KCND3: variants seen among roughly 807,000 people sequenced by gnomAD.
KCND3 encodes potassium voltage-gated channel subfamily D member 3, also known as A-type voltage-gated potassium channel KCND3.
KCND3 carries 9 observed loss-of-function variants against 51.1 expected under a neutral mutation model. The ratio of observed to expected loss-of-function variants is 0.18; its 90% CI spans 0.11 to 0.31. The LOEUF is 0.31. Ranked by LOEUF, KCND3 falls within the 10% of genes least tolerant of loss-of-function variation. The pLI is 1.00. For missense variants in KCND3, 526 were observed against 903.8 expected (o/e 0.58, Z 5.36); for synonymous variants, 349 against 368.0 (o/e 0.95, Z 0.59).
At chr1:111,823,184 G>A (rs148913815) in intron 2 of KCND3, among the ~76,000 whole-genome samples, 338 of 152,344 alleles carry the variant, frequency 2.2e-3, no homozygotes, top group African/African-American at 7.8e-3. Context: ...GGCAGGGCAG[G>A]GTGTGGGGTG....
intron 1 of KCND3, among the ~76,000 whole-genome samples, chr1:111,984,102 T>C (rs1358372767): frequency 6.6e-6 from 1 of 152,226 alleles, no homozygotes; most frequent in African/African-American, 2.4e-5. Flanking sequence ...ATTTGGGCCC[T>C]CTGGAATTCA....
chr1:111,984,530 C>T (rs954817788), intron 1 of KCND3, among the ~76,000 whole-genome samples: 6 of 152,232 alleles, frequency 3.9e-5, no homozygotes, highest in Non-Finnish European at 7.3e-5. Context: ...CTCTCACTCT[C>T]ACACCCCACC....
intron 2 of KCND3, among the ~76,000 whole-genome samples, chr1:111,904,083 G>A (rs1203682718): frequency 8.3e-6 from 1 of 119,776 alleles, no homozygotes; most frequent in Admixed American, 1.0e-4. Flanking sequence ...TCTTTTTGGA[G>A]GTTGGTTTTT....
At chr1:111,978,622 T>C (rs1426710281) in intron 2 of KCND3, among the ~76,000 whole-genome samples, 2 of 152,176 alleles carry the variant, frequency 1.3e-5, no homozygotes, top group African/African-American at 4.8e-5. Context: ...TCCACAGTAC[T>C]GCAGGGCAGC....
chr1:111,885,496 G>C (rs1302201622), intron 2 of KCND3, among the ~76,000 whole-genome samples: 2 of 152,168 alleles, frequency 1.3e-5, no homozygotes, highest in Non-Finnish European at 2.9e-5. Flanking sequence ...TGTGTAAAAA[G>C]TGAGTCAAAT....
At chr1:111,810,733 A>G (rs1303630572) in intron 2 of KCND3, among the ~76,000 whole-genome samples, 1 of 152,246 alleles carries the variant, frequency 6.6e-6, no homozygotes, top group Non-Finnish European at 1.5e-5. Context: ...CGAGGCTTTA[A>G]TAACACAAAA....
At chr1:111,815,194 T>A (rs1196241990) in intron 2 of KCND3, among the ~76,000 whole-genome samples, 1 of 152,104 alleles carries the variant, frequency 6.6e-6, no homozygotes, top group African/African-American at 2.4e-5. Flanking sequence ...CTGACTTCTG[T>A]GTGCCATCTC....
chr1:111,855,065 G>C (rs1484638531), intron 2 of KCND3, among the ~76,000 whole-genome samples: 1 of 152,104 alleles, frequency 6.6e-6, no homozygotes, highest in East Asian at 1.9e-4. Flanking sequence ...TCTCCATCCT[G>C]GTCTGGCCAG....
chr1:111,972,458 C>G lies in KCND3; in HGVS notation c.1106+9163G>C, dbSNP rs1674394212. The stretch of plus-strand genomic sequence containing the variant: ...AAGTGCTGGGATTACAGGCGTGAGC[C>G]CCCGCGCCCGGCCCCTATTTGTATA... On this transcript the variant is annotated intron_variant, in intron 2 of 7. Transcript: ENST00000302127. 2.6e-5 allele frequency among the ~76,000 whole-genome samples: 4 copies of G among 152,256 alleles called. No homozygotes were observed. In the South Asian group the frequency reaches 8.3e-4, roughly 32 times the overall value.
intron 2 of KCND3, among the ~76,000 whole-genome samples, chr1:111,969,133 T>A (rs1571920083): frequency 6.6e-6 from 1 of 152,210 alleles, no homozygotes; most frequent in African/African-American, 2.4e-5. Context: ...AACCACTGCC[T>A]GCCTGCCACG....
At chr1:111,844,538 C>T (rs1018391758) in intron 2 of KCND3, among the ~76,000 whole-genome samples, 4 of 152,180 alleles carry the variant, frequency 2.6e-5, no homozygotes, top group Admixed American at 6.5e-5. Context: ...ACTCTAACAA[C>T]AGCTGTCTGC....
At chr1:111,811,713 C>A (rs1665858680) in intron 2 of KCND3, among the ~76,000 whole-genome samples, 1 of 152,186 alleles carries the variant, frequency 6.6e-6, no homozygotes, top group Non-Finnish European at 1.5e-5. Context: ...CTACATAAGA[C>A]AAAGCCTTCA....
intron 2 of KCND3, among the ~76,000 whole-genome samples, chr1:111,956,480 T>C (rs1254633522): frequency 1.3e-5 from 2 of 152,204 alleles, no homozygotes; most frequent in African/African-American, 4.8e-5. Flanking sequence ...GCTGATGCTA[T>C]AAATAGCCAT....
At chr1:111,834,655 G>T (rs1358764545) in intron 2 of KCND3, among the ~76,000 whole-genome samples, 1 of 152,214 alleles carries the variant, frequency 6.6e-6, no homozygotes, top group Non-Finnish European at 1.5e-5. Flanking sequence ...CATGCAATCA[G>T]ACTATCAGAG....
At chr1:111,776,952 T>C in intron 7 of KCND3, 74 bp downstream of exon 7, 1 of 1,605,168 alleles carries the variant, frequency 6.2e-7, no homozygotes, top group Non-Finnish European at 8.5e-7. Flanking sequence ...AAGGTTCTCC[T>C]AATGCTGCAA....
Position 111,889,517 on chromosome 1 carries a change from A to G in KCND3, c.1106+92104T>C, listed in dbSNP as rs1359023889. Among the ~76,000 whole-genome samples the G allele has an allele frequency of 2.0e-5, 3 of 152,364 alleles. No individual in the cohort carries two copies. In the East Asian group the frequency reaches 5.8e-4, roughly 29 times the overall value. ...TAAAGGAAGATTCACTTAAATAGGT[A>G]AACCACACCATCTGTGGGAAGGTAA... On this transcript the variant is annotated intron_variant, in intron 2 of 7. Transcript: ENST00000302127.
rs563174261 is a variant in KCND3, at chr1:111,915,626, G to A, written c.1106+65995C>T. Reference sequence around the variant, plus strand: ...AAATCAGCTGGGCGTGGTGGTGGGCGCCTGTAGTCCCAGCTACTCGGGAGG... The same window carrying A: ...AAATCAGCTGGGCGTGGTGGTGGGCACCTGTAGTCCCAGCTACTCGGGAGG... On this transcript the variant is annotated intron_variant, in intron 2 of 7. Coordinates refer to ENST00000302127, the MANE Select transcript of KCND3 (RefSeq NM_001378969.1). Among the ~76,000 whole-genome samples, 6 of 151,794 alleles carry A rather than the reference G, an allele frequency of 4.0e-5. No homozygotes were observed. In the East Asian group the frequency reaches 7.8e-4, roughly 20 times the overall value.
At chr1:111,953,656 T>G (rs1308154442) in intron 2 of KCND3, among the ~76,000 whole-genome samples, 1 of 152,204 alleles carries the variant, frequency 6.6e-6, no homozygotes, top group Non-Finnish European at 1.5e-5. Flanking sequence ...GTAGGCTTCC[T>G]CATGATTATG....
chr1:111,927,948 C>G (rs1204371482), intron 2 of KCND3, among the ~76,000 whole-genome samples: 1 of 152,164 alleles, frequency 6.6e-6, no homozygotes, highest in Non-Finnish European at 1.5e-5. Context: ...GAGTGGCTCA[C>G]TCCCTCAGCA....
Sources: allele counts gnomAD v4.1 joint callset (sites outside exome capture counted in the v4.1 genomes callset), GRCh38; gene constraint gnomAD v4.1.1; transcripts MANE v1.5; gene names NCBI Gene and HGNC (gene_info 2026-07-23, HGNC 2026-07-21).